Variants in SERPINB2 observed in about 807,000 individuals in gnomAD.
SERPINB2 encodes the protein plasminogen activator inhibitor 2.
Under a neutral mutation model 39.4 loss-of-function variants are expected in SERPINB2, and 28 were observed. That is an observed-to-expected ratio of 0.71 (90% CI 0.53 to 0.97). The LOEUF is 0.97. Among genes scored for constraint, SERPINB2 ranks in the 50% least tolerant of loss-of-function variants. The probability of loss-of-function intolerance (pLI) is 0.00; values close to 1 mark genes in which losing one functional copy is unlikely to be tolerated. For missense variants in SERPINB2, 557 were observed against 505.3 expected, an observed-to-expected ratio of 1.10 and a Z score of -0.98; for synonymous variants, 209 against 175.1, an observed-to-expected ratio of 1.19 and a Z score of -1.53.
chr18:63,895,858 A>G (rs752655640), intron 3 of SERPINB2, among the ~76,000 whole-genome samples: 1 of 152,204 alleles, frequency 6.6e-6, no homozygotes, highest in South Asian at 2.1e-4. Flanking sequence ...TCTCTCATCT[A>G]TCTTACCTAT....
chr18:63,898,105 G>A (rs903205843), intron 5 of SERPINB2, among the ~76,000 whole-genome samples: 5 of 152,158 alleles, frequency 3.3e-5, no homozygotes, highest in African/African-American at 1.2e-4. Flanking sequence ...TATGAAAGGA[G>A]GCAGAAGCTT....
intron 2 of SERPINB2, among the ~76,000 whole-genome samples, chr18:63,894,231 G>A (rs2049944683): frequency 6.6e-6 from 1 of 151,912 alleles, no homozygotes; most frequent in Non-Finnish European, 1.5e-5. Flanking sequence ...AGGAAAACCA[G>A]CCAAGCTGTC....
At chr18:63,898,693 C>T (rs4378705) in intron 5 of SERPINB2, among the ~76,000 whole-genome samples, 43,299 of 151,718 alleles carry the variant, frequency 0.29, 6,720 homozygotes, top group East Asian at 0.47. Context: ...AGTACAGGTG[C>T]TATGTGGGAG....
intron 5 of SERPINB2, among the ~76,000 whole-genome samples, chr18:63,901,225 T>C (rs2049989098): frequency 2.0e-5 from 3 of 152,310 alleles, no homozygotes; most frequent in Admixed American, 1.3e-4. Flanking sequence ...CCCCCAGTGT[T>C]CTAGGCTCAT....
intron 1 of SERPINB2, among the ~76,000 whole-genome samples, chr18:63,888,688 G>A (rs2049907410): frequency 6.6e-6 from 1 of 152,170 alleles, no homozygotes; most frequent in Admixed American, 6.5e-5. Flanking sequence ...TTTCAGTGGT[G>A]CATTTGTCAA....
At chr18:63,891,247 GC>G (rs2049923852) in intron 1 of SERPINB2, among the ~76,000 whole-genome samples, 188 bp from the exon 2 acceptor site, 1 of 152,088 alleles carries the variant, frequency 6.6e-6, no homozygotes, top group Non-Finnish European at 1.5e-5. Context: ...TAAACAAGGG[GC>G]TTTTTACGGC....
chr18:63,891,615 G>T lies in SERPINB2; in HGVS notation c.168+3G>T. 6.2e-7 allele frequency: 1 copy of T among 1,611,190 alleles called. No individual in the cohort carries two copies. The highest frequency in any genetic ancestry group is 8.5e-7 in the Non-Finnish European group (1 of 1,178,038). The stretch of plus-strand genomic sequence containing the variant: ...GCACCGAAGACCAGATGGCCAAGGT[G>T]AGTTTGAGCTGAAGCTCCACATTTG... On this transcript the variant is annotated splice_donor_region_variant and intron_variant, in intron 2 of 7. Transcript: ENST00000299502.
chr18:63,902,527 C>T lies in SERPINB2; in HGVS notation c.802C>T (p.Leu268Phe), dbSNP rs1419834824. 2 of 1,613,444 alleles carry T rather than the reference C, an allele frequency of 1.2e-6. No individual in the cohort carries two copies. The highest frequency in any genetic ancestry group is 8.5e-7 in the Non-Finnish European group (1 of 1,179,596). Residue 268 changes from leucine (L) to phenylalanine (F), a missense_variant, in exon 7 of 8, where the codon CTT becomes TTT. By Grantham distance (22) the Leu-to-Phe change is conservative. Transcript: ENST00000299502. ...TGGAGATGTTAGCATGTTCTTGTTG[C>T]TTCCAGATGAAATTGCCGATGTGTC... is the stretch of plus-strand genomic sequence containing the variant. ...YAGDVSMFLLLPDEIADVSTG... is the reference protein window; with the variant it reads ...YAGDVSMFLLFPDEIADVSTG...
intron 3 of SERPINB2, among the ~76,000 whole-genome samples, chr18:63,896,866 T>C (rs1236258126): frequency 6.6e-6 from 1 of 152,148 alleles, no homozygotes; most frequent in African/African-American, 2.4e-5. Flanking sequence ...ATCCAATCCA[T>C]AGACAGAGCA....
rs6102 is a variant in SERPINB2 at position 63,903,236 on chromosome 18, T to G, written c.1179T>G (p.Pro393=). The change falls in exon 8 of 8, where the codon CCT becomes CCG. Residue 393 remains proline (P), a synonymous_variant. Transcript: ENST00000299502. ...HGGPQFVADH[P]FLFLIMHKIT... ...GCCCACAGTTTGTGGCAGATCATCC[T>G]TTTCTTTTTCTTATTATGCATAAGA... 0.21 allele frequency: 333,255 copies of G among 1,596,622 alleles called. 35,732 individuals are homozygous for G. The highest frequency in any genetic ancestry group is 0.34 in the Admixed American group (19,056 of 55,998).
Position 63,891,552 on chromosome 18 carries a change from G to T in SERPINB2, c.108G>T (p.Ser36=), listed in dbSNP as rs951714915. Residue 36 remains serine, a synonymous_variant, in exon 2 of 8, where the codon TCG becomes TCT. Coordinates refer to ENST00000299502, the MANE Select transcript of SERPINB2 (RefSeq NM_002575.3). Reference sequence around the variant, plus strand: ...TCTTCCTCTCCCCATGGAGCATCTCGTCCACCATGGCCATGGTCTACATGG... The same window carrying T: ...TCTTCCTCTCCCCATGGAGCATCTCTTCCACCATGGCCATGGTCTACATGG... The part of the protein sequence containing the change: ...QNLFLSPWSI[S]STMAMVYMGS... 1 of 1,614,048 alleles carries T rather than the reference G, an allele frequency of 6.2e-7. No homozygotes were observed.
intron 3 of SERPINB2, 88 bp from the exon 4 acceptor site, chr18:63,897,003 T>G (rs2049963455): frequency 7.2e-6 from 9 of 1,249,482 alleles, no homozygotes; most frequent in Non-Finnish European, 1.0e-5. Context: ...ATTTCATGAT[T>G]GTATTCAAAA....
Position 63,903,039 on chromosome 18 carries a change from G to C in SERPINB2, c.982G>C (p.Gly328Arg). Reference sequence around the variant, plus strand: ...ACTCAGATCCATTCTGAGAAGCATGGGCATGGAGGACGCCTTCAACAAGGG... The same window carrying C: ...ACTCAGATCCATTCTGAGAAGCATGCGCATGGAGGACGCCTTCAACAAGGG... ...YELRSILRSM[G>R]MEDAFNKGRA... is the part of the protein sequence containing the mutation. Residue 328 changes from glycine to arginine, a missense_variant, in exon 8 of 8, where the codon GGC becomes CGC. By Grantham distance (125) the Gly-to-Arg change is moderately radical (BLOSUM62 -2). Transcript: ENST00000299502. The C allele has an allele frequency of 6.2e-7, 1 of 1,613,804 alleles. No homozygotes were observed. Among genetic ancestry groups the C allele is most frequent in the South Asian group, 1.1e-5 (1 of 91,078 alleles).
At chr18:63,893,390 G>T (rs954772356) in intron 2 of SERPINB2, among the ~76,000 whole-genome samples, 1 of 152,098 alleles carries the variant, frequency 6.6e-6, no homozygotes, top group Non-Finnish European at 1.5e-5. Context: ...CTGTGTCTAA[G>T]AAGTGCTTTA....
intron 2 of SERPINB2, 54 bp downstream of exon 2, chr18:63,891,666 G>A (rs1296139448): frequency 2.6e-6 from 4 of 1,543,120 alleles, no homozygotes; most frequent in Non-Finnish European, 2.6e-6. Context: ...GAATGGAATT[G>A]GAGAACTGCT....
rs1489572516 is a variant in SERPINB2, at chr18:63,897,235, A to G, written c.417+16A>G. On this transcript the variant is annotated intron_variant, in intron 4 of 7. Coordinates refer to ENST00000299502, the MANE Select transcript of SERPINB2 (RefSeq NM_002575.3). ...CTTCCGGGAAGTAAGTGAAACCTGT[A>G]ATTGAAATGGCTGGATCCCAAACAA... 6.2e-7 allele frequency: 1 copy of G among 1,605,934 alleles called. No homozygotes were observed. Among genetic ancestry groups the G allele is most frequent in the South Asian group, 1.1e-5 (1 of 89,878 alleles).
rs1028472760 is a variant in SERPINB2 at position 63,899,743 on chromosome 18, AT to A, written c.535+1906del. On this transcript the variant is annotated intron_variant, in intron 5 of 7. Coordinates refer to ENST00000299502, the MANE Select transcript of SERPINB2 (RefSeq NM_002575.3). ...CGGATGTTTAAAAATTTTATAACTT[AT>A]TTTTTTAAGGATTTTCATTTAACTC... is the stretch of plus-strand genomic sequence containing the variant. Among the ~76,000 whole-genome samples, 22 of 152,192 alleles carry A rather than the reference AT, an allele frequency of 1.4e-4. 2 individuals are homozygous for A. The highest frequency in any genetic ancestry group is 9.8e-4 in the Admixed American group (15 of 15,276).
chr18:63,900,375 G>T (rs1406059078), intron 5 of SERPINB2, among the ~76,000 whole-genome samples: 2 of 152,164 alleles, frequency 1.3e-5, no homozygotes, highest in African/African-American at 4.8e-5. Flanking sequence ...CCAAAGTGGG[G>T]CTTAGCCTTC....
Position 63,891,595 on chromosome 18 carries a change from G to A in SERPINB2, c.151G>A (p.Glu51Lys), listed in dbSNP as rs572277697. Reference protein sequence around the residue: ...MVYMGSRGSTEDQMAKVLQFN... With the variant: ...MVYMGSRGSTKDQMAKVLQFN... ...CTACATGGGCTCCAGGGGCAGCACC[G>A]AAGACCAGATGGCCAAGGTGAGTTT... is the stretch of plus-strand genomic sequence containing the variant. The change falls in exon 2 of 8, where the codon GAA becomes AAA. Residue 51 changes from glutamate to lysine, a missense_variant. Coordinates refer to ENST00000299502, the MANE Select transcript of SERPINB2 (RefSeq NM_002575.3). 5.6e-6 allele frequency: 9 copies of A among 1,613,580 alleles called. No individual in the cohort carries two copies. The highest frequency in any genetic ancestry group is 5.3e-5 in the African/African-American group (4 of 74,898).
Sources: gnomAD v4.1 joint callset for allele counts (sites outside exome capture counted in the v4.1 genomes callset) on GRCh38, gnomAD v4.1.1 for gene constraint, MANE v1.5 for transcripts, NCBI Gene and HGNC (gene_info 2026-07-23, HGNC 2026-07-21) for gene names.